EXOC6B: variants seen among roughly 807,000 people sequenced by gnomAD.
The protein encoded by EXOC6B is SEC15 homolog B.
Under a neutral mutation model 113.5 loss-of-function variants are expected in EXOC6B, and 54 were observed. The observed-to-expected ratio is 0.48, with a 90% confidence interval of 0.38 to 0.60. EXOC6B has a LOEUF of 0.60. EXOC6B is among the 20% of genes least tolerant of loss of function. The pLI, the probability that EXOC6B is intolerant of heterozygous loss-of-function variation, is 0.00. For synonymous variants in EXOC6B, 357 were observed against 339.0 expected (o/e 1.05, Z -0.58); for missense variants, 797 against 977.5 (o/e 0.82, Z 2.46).
At chr2:72,564,066 T>C (rs781500544) in intron 7 of EXOC6B, among the ~76,000 whole-genome samples, 1 of 152,166 alleles carries the variant, frequency 6.6e-6, no homozygotes, top group Non-Finnish European at 1.5e-5. Flanking sequence ...CCAGCTTTAC[T>C]GCTGGGTAAG....
rs140650642 is a variant in EXOC6B at position 72,764,755 on chromosome 2, G to A, written c.114-23286C>T. Among the ~76,000 whole-genome samples, 69 of 152,152 alleles carry A rather than the reference G, an allele frequency of 4.5e-4. 2 individuals carry two copies. Among genetic ancestry groups the A allele is most frequent in the Middle Eastern group, 3.4e-3 (1 of 294 alleles). The stretch of plus-strand genomic sequence containing the variant: ...TAGAGTTGATAAACACATATATTTT[G>A]TTCTATAATCATAATTGTTTTTCAT... On this transcript the variant is annotated intron_variant, in intron 1 of 21. Coordinates refer to ENST00000272427, the MANE Select transcript of EXOC6B (RefSeq NM_015189.3).
chr2:72,273,990 T>C (rs1235742002), intron 20 of EXOC6B, among the ~76,000 whole-genome samples: 4 of 152,182 alleles, frequency 2.6e-5, no homozygotes, highest in Non-Finnish European at 5.9e-5. Context: ...CTGCCACCAT[T>C]ACACATGCTA....
At chr2:72,654,896 A>G (rs1298835453) in intron 6 of EXOC6B, among the ~76,000 whole-genome samples, 1 of 152,222 alleles carries the variant, frequency 6.6e-6, no homozygotes, top group Non-Finnish European at 1.5e-5. Context: ...ATAAAGAGAC[A>G]GGAATACTGA....
intron 8 of EXOC6B, among the ~76,000 whole-genome samples, chr2:72,541,642 G>T (rs1036104400): frequency 6.6e-6 from 1 of 152,146 alleles, no homozygotes; most frequent in Non-Finnish European, 1.5e-5. Flanking sequence ...TATTAGTCTA[G>T]TTCCTAGTCT....
Position 72,482,136 on chromosome 2 carries a change from G to A in EXOC6B, c.1666-1386C>T, listed in dbSNP as rs548035102. Among the ~76,000 whole-genome samples the A allele has an allele frequency of 3.3e-5, 5 of 152,222 alleles. No homozygotes were observed. In the South Asian group the frequency reaches 8.3e-4, roughly 25 times the overall value. ...CTTTTAGCATAAGCATAATATGGCA[G>A]CTCTGAAGTGCTGCATGATTGTGTA... On this transcript the variant is annotated intron_variant, in intron 16 of 21. Transcript: ENST00000272427.
At chr2:72,446,023 G>C (rs1057427511) in intron 18 of EXOC6B, among the ~76,000 whole-genome samples, 2 of 152,182 alleles carry the variant, frequency 1.3e-5, no homozygotes, top group African/African-American at 4.8e-5. Context: ...AGAGGAAAGG[G>C]AACGCTTATA....
At chr2:72,648,567 T>A (rs990046140) in intron 6 of EXOC6B, among the ~76,000 whole-genome samples, 15 of 152,186 alleles carry the variant, frequency 9.9e-5, no homozygotes, top group African/African-American at 1.2e-4. Context: ...TAAGAAAATG[T>A]GGCACATATA....
intron 18 of EXOC6B, among the ~76,000 whole-genome samples, chr2:72,381,752 T>C (rs1691689677): frequency 6.6e-6 from 1 of 152,214 alleles, no homozygotes; most frequent in Admixed American, 6.5e-5. Context: ...TGGTATGTTC[T>C]GATTTGCATT....
chr2:72,721,884 T>C (rs2104737389), intron 5 of EXOC6B: 1 of 152,148 alleles, frequency 6.6e-6, no homozygotes, highest in East Asian at 1.9e-4. Flanking sequence ...TACATCCTCT[T>C]ATCAGAGGAC....
intron 6 of EXOC6B, among the ~76,000 whole-genome samples, chr2:72,617,921 A>G (rs550574301): frequency 6.6e-6 from 1 of 152,108 alleles, no homozygotes; most frequent in Admixed American, 6.5e-5. Flanking sequence ...ATTTTTTTAG[A>G]CCCTGTTTCA....
chr2:72,671,581 C>G (rs1248523838), intron 6 of EXOC6B, among the ~76,000 whole-genome samples: 1 of 151,872 alleles, frequency 6.6e-6, no homozygotes, highest in East Asian at 1.9e-4. Context: ...GCCTGTAATC[C>G]CAGCTACTCG....
chr2:72,693,287 G>GTT (rs563080296), intron 6 of EXOC6B, among the ~76,000 whole-genome samples: 2,398 of 146,972 alleles, frequency 0.016, 78 homozygotes, highest in African/African-American at 0.057. Flanking sequence ...AGGTTTGCAG[G>GTT]TTTTTTTTTT....
At chr2:72,781,256 G>A (rs957956825) in intron 1 of EXOC6B, among the ~76,000 whole-genome samples, 19 of 151,976 alleles carry the variant, frequency 1.3e-4, no homozygotes, top group African/African-American at 4.6e-4. Context: ...TAAGCAAACC[G>A]ATTTTTTTTA....
intron 20 of EXOC6B, among the ~76,000 whole-genome samples, chr2:72,264,748 C>G (rs907143293): frequency 1.3e-5 from 2 of 151,862 alleles, no homozygotes; most frequent in South Asian, 2.1e-4. Flanking sequence ...GTGAGTCTCA[C>G]GAGATCTGAT....
intron 1 of EXOC6B, among the ~76,000 whole-genome samples, chr2:72,801,469 A>G (rs1278589831): frequency 6.6e-6 from 1 of 152,146 alleles, no homozygotes; most frequent in Non-Finnish European, 1.5e-5. Flanking sequence ...GTTTCAGTAT[A>G]TTTTTAGTTG....
At chr2:72,570,085 G>C (rs918216506) in intron 7 of EXOC6B, among the ~76,000 whole-genome samples, 1 of 152,008 alleles carries the variant, frequency 6.6e-6, no homozygotes, top group Admixed American at 6.6e-5. Context: ...CCTTTAAAGA[G>C]GTAATTAAAA....
chr2:72,707,927 TTATTGAAAGGATAAAAACA>T (rs1358709038), intron 6 of EXOC6B, among the ~76,000 whole-genome samples: 2 of 152,050 alleles, frequency 1.3e-5, no homozygotes, highest in Admixed American at 1.3e-4. Context: ...AATAAAATAG[TTATTGAAAGGATAAAAACA>T]TATTGAAAGG....
At chr2:72,196,808 T>G (rs982934758) in intron 20 of EXOC6B, among the ~76,000 whole-genome samples, 1 of 152,204 alleles carries the variant, frequency 6.6e-6, no homozygotes, top group African/African-American at 2.4e-5. Context: ...CTAATTAGTT[T>G]TTATGTAAAA....
In EXOC6B at chr2:72,495,555, G is replaced by A. The variant is rs2105563057; in HGVS notation, c.1444-16C>T. On this transcript the variant is annotated splice_polypyrimidine_tract_variant and intron_variant, in intron 14 of 21. Coordinates refer to ENST00000272427, the MANE Select transcript of EXOC6B (RefSeq NM_015189.3). ...GAAATGGTTGCTGTAAATGCAAGAA[G>A]TAATGAAATCAAGTCACAAACCAAC... 1 of 1,385,480 alleles carries A rather than the reference G, an allele frequency of 7.2e-7. No homozygotes were observed. The highest frequency in any genetic ancestry group is 1.0e-6 in the Non-Finnish European group (1 of 980,694). The allele number at this position is 1,385,480 out of a possible 1,614,324, so 85.8% of individuals were successfully genotyped here. A position where few individuals can be genotyped will look rare whatever the true frequency, so the allele number is the denominator to read the frequency against.
Sources: allele counts gnomAD v4.1 joint callset (sites outside exome capture counted in the v4.1 genomes callset), GRCh38; gene constraint gnomAD v4.1.1; transcripts MANE v1.5; gene names NCBI Gene and HGNC (gene_info 2026-07-23, HGNC 2026-07-21).